DMD: variants seen among roughly 807,000 people sequenced by gnomAD.
DMD encodes mutant dystrophin.
Under a neutral mutation model 330.1 loss-of-function variants are expected in DMD, and 63 were observed. The ratio of observed to expected loss-of-function variants is 0.19; its 90% CI spans 0.16 to 0.24. DMD has a LOEUF of 0.24. DMD is among the 10% of genes least tolerant of loss of function. DMD has a pLI of 1.00. For missense variants in DMD, 3,344 were observed against 2,684.1 expected (o/e 1.25, Z -5.43); for synonymous variants, 1,223 against 959.8 (o/e 1.27, Z -5.07).
chrX:31,345,818 T>C (rs1225209108), intron 61 of DMD, among the ~76,000 whole-genome samples: 1 of 111,812 alleles, frequency 8.9e-6, no homozygotes, highest in Non-Finnish European at 1.9e-5. Context: ...CTCCAAAGCA[T>C]TGTGAAACTG....
chrX:33,058,786 C>T (rs2094548344), intron 1 of DMD, among the ~76,000 whole-genome samples: 1 of 111,572 alleles, frequency 9.0e-6, no homozygotes, highest in South Asian at 3.7e-4. Context: ...TTTAACCATT[C>T]GGATGCATAT....
chrX:33,002,879 GAAGAAAA>G (rs1314717234), intron 2 of DMD, among the ~76,000 whole-genome samples: 137 of 72,405 alleles, frequency 1.9e-3, no homozygotes, highest in African/African-American at 6.2e-3. Flanking sequence ...AAAAAAAGAA[GAAGAAAA>G]AAGAAAAAAG....
At chrX:31,175,899 G>A (rs763044949) in intron 71 of DMD, among the ~76,000 whole-genome samples, 2 of 111,442 alleles carry the variant, frequency 1.8e-5, no homozygotes, top group African/African-American at 6.5e-5. Flanking sequence ...GCCTATGTTA[G>A]CTTTAGTTTT....
At chrX:31,237,008 C>T (rs146589214) in intron 63 of DMD, among the ~76,000 whole-genome samples, 35 of 111,894 alleles carry the variant, frequency 3.1e-4, no homozygotes, top group African/African-American at 1.1e-3. Flanking sequence ...TCAACACACC[C>T]CCAATATCCA....
chrX:31,183,588 C>G (rs756331741), intron 67 of DMD, among the ~76,000 whole-genome samples: 43 of 111,733 alleles, frequency 3.8e-4, no homozygotes, highest in African/African-American at 1.4e-3. Flanking sequence ...GGACAATGAT[C>G]TCAACAATCT....
intron 43 of DMD, among the ~76,000 whole-genome samples, chrX:32,267,020 T>G (rs893733154): frequency 8.9e-6 from 1 of 112,334 alleles, no homozygotes; most frequent in Non-Finnish European, 1.9e-5. Context: ...ATTTCCTTTG[T>G]GACCTTTGAA....
intron 55 of DMD, chrX:31,508,508 CT>C (rs72466577): frequency 2.9e-4 from 62 of 211,601 alleles, no homozygotes; most frequent in Non-Finnish European, 4.6e-4. Context: ...AAACAGCCAA[CT>C]TTTCTTATCA....
At position 32,117,287 on chromosome X, in the gene DMD, C is replaced by A. The variant is rs185356530; in HGVS notation, c.6438+99629G>T. Among the ~76,000 whole-genome samples, 869 of 110,283 alleles carry A rather than the reference C, an allele frequency of 7.9e-3. 6 individuals are homozygous for A. The highest frequency in any genetic ancestry group is 0.027 in the African/African-American group (825 of 30,250). ...AGTTGGGAGTCATCAGAATGGGGAA[C>A]GGAGATATCTTTCAGCAAGGAGGTC... is the stretch of plus-strand genomic sequence containing the variant. On this transcript the variant is annotated intron_variant, in intron 44 of 78. Transcript: ENST00000357033.
intron 41 of DMD, 29 bp downstream of exon 41, chrX:32,342,071 C>T (rs2097746260): frequency 8.4e-7 from 1 of 1,193,961 alleles, no homozygotes. Flanking sequence ...GTTGCAAACA[C>T]ATACGTGGGT....
At chrX:31,441,878 A>C (rs1437958837) in intron 60 of DMD, among the ~76,000 whole-genome samples, 2 of 112,346 alleles carry the variant, frequency 1.8e-5, no homozygotes, top group Non-Finnish European at 3.8e-5. Context: ...CTATCAAAGA[A>C]AAGAATGGAA....
intron 55 of DMD, among the ~76,000 whole-genome samples, chrX:31,555,865 T>C (rs1026142419): frequency 8.9e-6 from 1 of 111,832 alleles, no homozygotes; most frequent in Non-Finnish European, 1.9e-5. Flanking sequence ...CACATATCTT[T>C]CCCGTTTGCT....
intron 19 of DMD, among the ~76,000 whole-genome samples, chrX:32,495,819 T>C (rs2043440205): frequency 8.9e-6 from 1 of 112,066 alleles, no homozygotes; most frequent in Non-Finnish European, 1.9e-5. Flanking sequence ...AAGTTTTAAG[T>C]ATCAATCATC....
In DMD at chrX:31,523,532, C is replaced by T. The variant is rs189178914; in HGVS notation, c.8218-16079G>A. On this transcript the variant is annotated intron_variant, in intron 55 of 78. Transcript: ENST00000357033. ...AATGACCCGATTTGGGGAAGGAGAC[C>T]TGTCAAAGGACAGTTCTTGGGTGCA... 5.3e-5 allele frequency among the ~76,000 whole-genome samples: 6 copies of T among 112,415 alleles called. No individual in the cohort carries two copies. The East Asian group carries it at 1.1e-3, about 21-fold the overall frequency.
chrX:32,632,617 C>G (rs750634177), intron 11 of DMD, among the ~76,000 whole-genome samples: 31 of 112,127 alleles, frequency 2.8e-4, no homozygotes, highest in African/African-American at 9.1e-4. Flanking sequence ...AGCCTCAACT[C>G]TTGCACTCTG....
At chrX:31,612,541 C>A (rs2077979716) in intron 55 of DMD, among the ~76,000 whole-genome samples, 1 of 111,455 alleles carries the variant, frequency 9.0e-6, no homozygotes, top group Non-Finnish European at 1.9e-5. Flanking sequence ...ATAAGAGAGA[C>A]AGGAGGAGAA....
chrX:32,372,271 T>C (rs1292009360), intron 34 of DMD, among the ~76,000 whole-genome samples: 1 of 112,177 alleles, frequency 8.9e-6, no homozygotes, highest in East Asian at 2.8e-4. Context: ...GTATGTCCTA[T>C]GTGTCAGGCA....
intron 18 of DMD, among the ~76,000 whole-genome samples, chrX:32,504,397 G>A (rs2044399565): frequency 9.0e-6 from 1 of 111,249 alleles, no homozygotes; most frequent in South Asian, 3.8e-4. Context: ...GCCAACGCGG[G>A]TGGATCACCT....
At chrX:32,003,597 T>C (rs1339518088) in intron 44 of DMD, among the ~76,000 whole-genome samples, 1 of 111,741 alleles carries the variant, frequency 8.9e-6, no homozygotes, top group African/African-American at 3.2e-5. Context: ...TGTTGCTTAT[T>C]AGAAAAGTTT....
rs780821723 is a variant in DMD, at chrX:32,290,133, A to C, written c.6118-2432T>G. 3.3e-3 allele frequency among the ~76,000 whole-genome samples: 366 copies of C among 111,724 alleles called. 2 individuals carry two copies. The highest frequency in any genetic ancestry group is 5.5e-3 in the Non-Finnish European group (292 of 53,096). ...GTATAACAACTACATTCTTGCTTCA[A>C]GATTTCTGCCCTTGCTGTTCTACCT... On this transcript the variant is annotated intron_variant, in intron 42 of 78. Coordinates refer to ENST00000357033, the MANE Select transcript of DMD (RefSeq NM_004006.3).
Sources: gnomAD v4.1 joint callset for allele counts (sites outside exome capture counted in the v4.1 genomes callset) on GRCh38, gnomAD v4.1.1 for gene constraint, MANE v1.5 for transcripts, NCBI Gene and HGNC (gene_info 2026-07-23, HGNC 2026-07-21) for gene names.